Variants in PCDH17 observed in about 807,000 individuals in gnomAD.
The protein encoded by PCDH17 is protocadherin 17, also known as protocadherin-17.
In PCDH17, 21 loss-of-function variants were observed where a neutral mutation model predicts 67.7. The observed-to-expected ratio is 0.31, with a 90% CI of 0.22 to 0.45. The LOEUF (loss-of-function observed/expected upper bound fraction) is 0.45. Among genes scored for constraint, PCDH17 ranks in the 20% least tolerant of loss-of-function variants. The probability of loss-of-function intolerance (pLI) is 1.00; values close to 1 mark genes in which losing one functional copy is unlikely to be tolerated. For synonymous variants in PCDH17, 701 were observed against 656.7 expected (o/e 1.07, Z -1.03); for missense variants, 1,471 against 1,564.8 (o/e 0.94, Z 1.01).
intron 1 of PCDH17, among the ~76,000 whole-genome samples, chr13:57,662,761 A>G (rs4497560): frequency 0.41 from 62,751 of 151,976 alleles, 13,950 homozygotes; most frequent in South Asian, 0.6. Flanking sequence ...TTGATTTTTA[A>G]TATCATTTAT....
chr13:57,653,397 GATAA>G (rs1265367161), intron 1 of PCDH17, among the ~76,000 whole-genome samples: 2 of 152,062 alleles, frequency 1.3e-5, no homozygotes, highest in Admixed American at 6.6e-5. Context: ...ATGTGACAAT[GATAA>G]ATAGAGTAGA....
At chr13:57,668,231 T>C (rs1298207735) in intron 3 of PCDH17, among the ~76,000 whole-genome samples, 1 of 152,070 alleles carries the variant, frequency 6.6e-6, no homozygotes, top group Non-Finnish European at 1.5e-5. Context: ...ATCTTTGAGA[T>C]ACATTTTCAA....
chr13:57,632,713 G>A lies in PCDH17; in HGVS notation c.167G>A (p.Gly56Glu), dbSNP rs1954744827. The A allele has an allele frequency of 1.9e-6, 3 of 1,611,526 alleles. No homozygotes were observed. The highest frequency in any genetic ancestry group is 2.7e-5 in the African/African-American group (2 of 74,944). Residue 56 changes from glycine to glutamate, a missense_variant, in exon 1 of 4, where the codon GGA becomes GAA. This residue lies in a region of PCDH17 where 1,163 missense variants were observed against 1,230.0 expected (regional missense o/e 0.95). Coordinates refer to ENST00000377918, the MANE Select transcript of PCDH17 (RefSeq NM_001040429.3). ...CTTCCGCCTGCAGAGCGCGGCGGCG[G>A]AGGGCGCAGCAAGTCGGGTAGCTAC... ...PGLPPAERGGGGRSKSGSYRV... is the reference protein window; with the variant it reads ...PGLPPAERGGEGRSKSGSYRV...
At chr13:57,704,122 A>G (rs1955693402) in intron 3 of PCDH17, among the ~76,000 whole-genome samples, 1 of 152,128 alleles carries the variant, frequency 6.6e-6, no homozygotes, top group South Asian at 2.1e-4. Context: ...TTTCAAGACT[A>G]AAATGAATAA....
intron 1 of PCDH17, among the ~76,000 whole-genome samples, chr13:57,640,810 C>T (rs1290257688): frequency 6.6e-6 from 1 of 151,990 alleles, no homozygotes; most frequent in African/African-American, 2.4e-5. Context: ...GGGCCCATGC[C>T]AGTTAGGAAG....
intron 3 of PCDH17, among the ~76,000 whole-genome samples, chr13:57,691,461 G>A (rs1309323901): frequency 1.3e-5 from 2 of 151,052 alleles, no homozygotes; most frequent in Non-Finnish European, 3.0e-5. Context: ...TAATCATGGA[G>A]GAGACCAAAA....
intron 3 of PCDH17, among the ~76,000 whole-genome samples, chr13:57,718,413 T>C (rs1478651926): frequency 2.0e-5 from 3 of 152,042 alleles, no homozygotes; most frequent in Admixed American, 1.3e-4. Flanking sequence ...TTACTCCTTT[T>C]AGTCAGATAG....
chr13:57,641,042 G>A (rs1954886194), intron 1 of PCDH17, among the ~76,000 whole-genome samples: 1 of 151,918 alleles, frequency 6.6e-6, no homozygotes, highest in South Asian at 2.1e-4. Context: ...TTCAATCAAT[G>A]ACTGTATATT....
intron 1 of PCDH17, among the ~76,000 whole-genome samples, chr13:57,661,128 TG>T (rs544720157): frequency 3.4e-4 from 52 of 152,218 alleles, no homozygotes; most frequent in Admixed American, 5.9e-4. Context: ...CCTAAATTTA[TG>T]AGAATTCCAG....
intron 3 of PCDH17, among the ~76,000 whole-genome samples, chr13:57,714,191 G>GAGTGCTAAAACTGAC (rs1173640945): frequency 6.6e-6 from 1 of 151,726 alleles, no homozygotes. Flanking sequence ...TGTTTTCTGA[G>GAGTGCTAAAACTGAC]AGTGCTAAAA....
Position 57,725,574 on chromosome 13 carries a change from AAGGAGGATGAGGAGAAG to A in PCDH17, c.*282_*298del, listed in dbSNP as rs1955910386. 1 of 341,062 alleles carries A rather than the reference AAGGAGGATGAGGAGAAG, an allele frequency of 2.9e-6. No homozygotes were observed. The highest frequency in any genetic ancestry group is 5.3e-6 in the Non-Finnish European group (1 of 187,352). 21.1% of individuals were successfully genotyped at this position (341,062 alleles called of 1,614,324 possible). A position where few individuals can be genotyped will look rare whatever the true frequency, so the allele number is the denominator to read the frequency against. Reference sequence around the variant, plus strand: ...GAGAGAAGAAAAAGGAGAGATGAAAAAGGAGGATGAGGAGAAGAATTACCTTTTGACAATCTGTTAGG... The same window carrying A: ...GAGAGAAGAAAAAGGAGAGATGAAAAAATTACCTTTTGACAATCTGTTAGG... On this transcript the variant is annotated 3_prime_UTR_variant, in exon 4 of 4. Coordinates refer to ENST00000377918, the MANE Select transcript of PCDH17 (RefSeq NM_001040429.3).
chr13:57,634,510 T>C lies in PCDH17; in HGVS notation c.1964T>C (p.Val655Ala), dbSNP rs773408342. The C allele has an allele frequency of 5.0e-6, 8 of 1,612,828 alleles. No individual in the cohort carries two copies. The highest frequency in any genetic ancestry group is 2.2e-5 in the South Asian group (2 of 91,066). The change falls in exon 1 of 4, where the codon GTG becomes GCG. Residue 655 changes from valine to alanine, a missense_variant. Val to Ala is a moderately conservative substitution (Grantham distance 64). Around this residue, in one of 3 missense-constraint regions of PCDH17, gnomAD observed 1,163 missense variants for 1,230.0 expected, o/e 0.95. Coordinates refer to ENST00000377918, the MANE Select transcript of PCDH17 (RefSeq NM_001040429.3). The surrounding 1 kb of genome is among the most constrained non-coding windows in gnomAD (Gnocchi z 7.8). ...IRTLHPFWED[V>A]TPVVELVVKV... ...ACGCTGCACCCTTTCTGGGAGGACG[T>C]GACGCCCGTGGTGGAGCTGGTGGTG...
chr13:57,633,452 A>C lies in PCDH17; in HGVS notation c.906A>C (p.Leu302=). The part of the protein sequence containing the change: ...ELFSIDPKTG[L]IRVKGNLDYE... ...TCTCCATCGACCCCAAGACCGGCCT[A>C]ATCCGTGTGAAGGGCAATCTGGACT... Residue 302 remains leucine, a synonymous_variant, in exon 1 of 4, where the codon CTA becomes CTC. Transcript: ENST00000377918. This position sits in a 1 kb window ranked among gnomAD's most constrained non-coding sequence, Gnocchi z 6.2. 6.2e-7 allele frequency: 1 copy of C among 1,613,688 alleles called. No individual in the cohort carries two copies. The highest frequency in any genetic ancestry group is 8.5e-7 in the Non-Finnish European group (1 of 1,180,022).
chr13:57,645,396 A>G (rs912019756), intron 1 of PCDH17, among the ~76,000 whole-genome samples: 1 of 151,660 alleles, frequency 6.6e-6, no homozygotes, highest in Non-Finnish European at 1.5e-5. Flanking sequence ...ATTTTCGACA[A>G]TCACCCATCA....
intron 3 of PCDH17, among the ~76,000 whole-genome samples, chr13:57,696,037 T>G (rs1339999497): frequency 6.6e-6 from 1 of 151,502 alleles, no homozygotes; most frequent in East Asian, 1.9e-4. Flanking sequence ...GTGGTCTCTC[T>G]TTGAAGATGA....
intron 3 of PCDH17, among the ~76,000 whole-genome samples, chr13:57,717,651 G>T (rs560389664): frequency 6.6e-6 from 1 of 151,962 alleles, no homozygotes; most frequent in Non-Finnish European, 1.5e-5. Context: ...CAAAAGCATT[G>T]TGCGATGCAG....
At chr13:57,691,370 T>TGGGACAAATATTTC (rs1363389122) in intron 3 of PCDH17, among the ~76,000 whole-genome samples, 1 of 151,278 alleles carries the variant, frequency 6.6e-6, no homozygotes, top group Non-Finnish European at 1.5e-5. Flanking sequence ...AGTCTTTCAC[T>TGGGACAAATATTTC]GGGACAAATA....
intron 3 of PCDH17, among the ~76,000 whole-genome samples, chr13:57,709,107 T>C (rs1323881253): frequency 1.5e-5 from 2 of 135,280 alleles, no homozygotes; most frequent in Non-Finnish European, 3.2e-5. Context: ...TATATATGTA[T>C]AAAATATATA....
chr13:57,640,076 C>A (rs1318397410), intron 1 of PCDH17, among the ~76,000 whole-genome samples: 1 of 151,840 alleles, frequency 6.6e-6, no homozygotes, highest in Non-Finnish European at 1.5e-5. Context: ...CTAAGAAATA[C>A]ACATATTTTA....
Sources: gnomAD v4.1 joint callset for allele counts (sites outside exome capture counted in the v4.1 genomes callset) on GRCh38, gnomAD v4.1.1 for gene constraint, gnomAD v4.1.1 regional missense constraint, Gnocchi (gnomAD v3.1) non-coding constraint, MANE v1.5 for transcripts, NCBI Gene and HGNC (gene_info 2026-07-23, HGNC 2026-07-21) for gene names.